The following ZAN variants were observed in gnomAD, a reference collection of about 807,000 sequenced individuals.
ZAN encodes the protein zonadhesin.
ZAN carries 260 observed loss-of-function variants against 286.2 expected under a neutral mutation model. The ratio of observed to expected loss-of-function variants is 0.91; its 90% confidence interval spans 0.82 to 1.01. ZAN has a LOEUF of 1.01. ZAN is among the 50% of genes least tolerant of loss of function. The pLI is 0.00. For missense variants in ZAN, 3,410 were observed against 3,639.2 expected (o/e 0.94, Z 1.62); for synonymous variants, 1,368 against 1,417.5 (o/e 0.97, Z 0.79).
rs1239237490 is a variant in ZAN at position 100,735,215 on chromosome 7, C to G, written c.54-505C>G. Among the ~76,000 whole-genome samples, 6 of 136,248 alleles carry G rather than the reference C, an allele frequency of 4.4e-5. 1 individual carries two copies. The East Asian group carries it at 1.2e-3, about 28-fold the overall frequency. 89.4% of individuals were successfully genotyped at this position (136,248 alleles called of 152,430 possible). The stretch of plus-strand genomic sequence containing the variant: ...AAAAAAAAAAAGAAATGATGGATGT[C>G]TTGGTGTCCTGCAGTGTGTTTGGGA... On this transcript the variant is annotated intron_variant, in intron 2 of 47. Transcript: ENST00000613979.
intron 34 of ZAN, among the ~76,000 whole-genome samples, chr7:100,778,093 G>A (rs1270204373): frequency 6.6e-6 from 1 of 151,782 alleles, no homozygotes; most frequent in Admixed American, 6.6e-5. Context: ...TTGAGGCCAG[G>A]AGTTTGAGAC....
chr7:100,793,808 C>G lies in ZAN; in HGVS notation c.7788-12C>G, dbSNP rs1394985867. ...AGCCCCAGCCAGTTTCTGACCATGA[C>G]TGTCCCCGCAGCCATGGAGTGTCCA... On this transcript the variant is annotated splice_polypyrimidine_tract_variant and intron_variant, in intron 42 of 47. Coordinates refer to ENST00000613979, the MANE Select transcript of ZAN (RefSeq NM_003386.3). 1.3e-6 allele frequency: 2 copies of G among 1,569,972 alleles called. No individual in the cohort carries two copies. Among genetic ancestry groups the G allele is most frequent in the African/African-American group, 2.7e-5 (2 of 74,246 alleles).
intron 14 of ZAN, among the ~76,000 whole-genome samples, chr7:100,753,832 T>TAAAAAAAA (rs59347418): frequency 1.4e-5 from 1 of 73,174 alleles, no homozygotes; most frequent in Non-Finnish European, 2.5e-5. Flanking sequence ...GACATCGTCC[T>TAAAAAAAA]AAAAAAAAAA....
Position 100,765,497 on chromosome 7 carries a change from C to T in ZAN, c.4413C>T (p.Leu1471=), listed in dbSNP as rs761723265. 18 of 1,612,446 alleles carry T rather than the reference C, an allele frequency of 1.1e-5. No homozygotes were observed. The highest frequency in any genetic ancestry group is 2.2e-5 in the East Asian group (1 of 44,848). ...ATCCGGGCTTCGTCCTCAGTGGCCT[C>T]GAGTGCATACCTCGCTCCCAGTGTG... ...ECNPGFVLSG[L]ECIPRSQCGC... Residue 1471 remains leucine (L), a synonymous_variant, in exon 23 of 48, where the codon CTC becomes CTT. Coordinates refer to ENST00000613979, the MANE Select transcript of ZAN (RefSeq NM_003386.3).
chr7:100,772,618 G>A (rs1168428898), intron 29 of ZAN, among the ~76,000 whole-genome samples: 2 of 151,670 alleles, frequency 1.3e-5, no homozygotes, highest in Non-Finnish European at 2.9e-5. Context: ...TCAGGAGATC[G>A]AGACCATCCT....
intron 6 of ZAN, 111 bp from the exon 7 acceptor site, chr7:100,738,350 C>G: frequency 9.3e-7 from 1 of 1,074,954 alleles, no homozygotes; most frequent in Non-Finnish European, 1.3e-6. Flanking sequence ...TCCAGGAGTT[C>G]GAGGCCGCAG....
chr7:100,789,625 C>T (rs1368136041), intron 39 of ZAN, among the ~76,000 whole-genome samples: 1 of 152,016 alleles, frequency 6.6e-6, no homozygotes, highest in African/African-American at 2.4e-5. Context: ...GCCTGGGGAA[C>T]ATAGTGAGAC....
At position 100,737,363 on chromosome 7, in the gene ZAN, C is replaced by T; in HGVS notation, c.613+14C>T. The T allele has an allele frequency of 7.1e-7, 1 of 1,405,978 alleles. No individual in the cohort carries two copies. Among genetic ancestry groups the T allele is most frequent in the Non-Finnish European group, 9.7e-7 (1 of 1,032,576 alleles). The allele number at this position is 1,405,978 out of a possible 1,614,324, so 87.1% of individuals were successfully genotyped here. ...CCTGTAATCGCGGTGAGTCCCTGTC[C>T]CTCCTCCCGCCTGCCCTCGGACCCT... On this transcript the variant is annotated intron_variant, in intron 6 of 47. Coordinates refer to ENST00000613979, the MANE Select transcript of ZAN (RefSeq NM_003386.3).
chr7:100,783,225 GC>G (rs1286590175), intron 35 of ZAN, among the ~76,000 whole-genome samples: 1 of 152,060 alleles, frequency 6.6e-6, no homozygotes, highest in East Asian at 1.9e-4. Context: ...CTGAGATTGT[GC>G]CATTGCACTC....
chr7:100,760,977 A>G (rs1809535415), intron 19 of ZAN, among the ~76,000 whole-genome samples: 1 of 151,890 alleles, frequency 6.6e-6, no homozygotes, highest in Non-Finnish European at 1.5e-5. Flanking sequence ...GCTCACTGCA[A>G]CCTCTGCCTC....
In ZAN at chr7:100,779,607, C is replaced by G. The variant is rs1353472935; in HGVS notation, c.6479C>G (p.Thr2160Arg). The change falls in exon 35 of 48, where the codon ACG (threonine) becomes AGG (arginine). Residue 2160 changes from threonine (T) to arginine (R), a missense_variant. By Grantham distance (71) the Thr-to-Arg change is moderately conservative. Coordinates refer to ENST00000613979, the MANE Select transcript of ZAN (RefSeq NM_003386.3). Reference protein sequence around the residue: ...WAQCASRIDLTPFLVDCANTL... With the variant: ...WAQCASRIDLRPFLVDCANTL... ...CAGTGCGCCTCCCGCATAGACCTCA[C>G]GCCCTTCCTGGTGGACTGTGCAAAC... 4.4e-6 allele frequency: 7 copies of G among 1,606,068 alleles called. No individual in the cohort carries two copies. The South Asian group carries it at 7.8e-5, about 18-fold the overall frequency.
At chr7:100,776,922 C>T (rs1810857110) in intron 34 of ZAN, among the ~76,000 whole-genome samples, 2 of 145,514 alleles carry the variant, frequency 1.4e-5, no homozygotes, top group East Asian at 2.0e-4. Flanking sequence ...TTAGTAGAGA[C>T]GGGGTTTCAC....
chr7:100,785,251 G>A lies in ZAN; in HGVS notation c.6834+417G>A, dbSNP rs537120303. Among the ~76,000 whole-genome samples the A allele has an allele frequency of 1.2e-4, 16 of 138,784 alleles. No homozygotes were observed. The South Asian group carries it at 3.0e-3, about 26-fold the overall frequency. 91.0% of individuals were successfully genotyped at this position (138,784 alleles called of 152,430 possible). A position where few individuals can be genotyped will look rare whatever the true frequency, so the allele number is the denominator to read the frequency against. Reference sequence around the variant, plus strand: ...TTTTTTTTTTTTTTTTTTTTGAGACGGAGTCTCCCTCTATTATCCAGCAGG... The same window carrying A: ...TTTTTTTTTTTTTTTTTTTTGAGACAGAGTCTCCCTCTATTATCCAGCAGG... On this transcript the variant is annotated intron_variant, in intron 36 of 47. Transcript: ENST00000613979.
At position 100,773,857 on chromosome 7, in the gene ZAN, G is replaced by C. The variant is rs71555302; in HGVS notation, c.5771G>C (p.Arg1924Pro). The change falls in exon 31 of 48, where the codon CGG becomes CCG. Residue 1924 changes from arginine (R) to proline (P), a missense_variant. Physicochemically the swap from Arg to Pro is moderately radical, Grantham distance 103 (BLOSUM62 -2). Around this residue, in one of 7 missense-constraint regions of ZAN, gnomAD observed 1,289 missense variants for 1,314.3 expected, o/e 0.98. Coordinates refer to ENST00000613979, the MANE Select transcript of ZAN (RefSeq NM_003386.3). ...CWALDGLLHC[R>P]ASGVGVCQLP... ...GCCCTGGATGGGCTGCTCCATTGTC[G>C]GGCCTCAGGTAGGAGGACCACGGTG... 35,739 of 1,604,862 alleles carry C rather than the reference G, an allele frequency of 0.022. 475 individuals are homozygous for C. Among genetic ancestry groups the C allele is most frequent in the Middle Eastern group, 0.033 (199 of 6,046 alleles).
Position 100,746,688 on chromosome 7 carries a change from A to G in ZAN, c.917A>G (p.Tyr306Cys). 1 of 1,613,858 alleles carries G rather than the reference A, an allele frequency of 6.2e-7. No individual in the cohort carries two copies. Among genetic ancestry groups the G allele is most frequent in the East Asian group, 2.2e-5 (1 of 44,876 alleles). The change falls in exon 8 of 48, where the codon TAT (tyrosine) becomes TGT (cysteine). Residue 306 changes from tyrosine to cysteine, a missense_variant. By Grantham distance (194) the Tyr-to-Cys change is radical. Around this residue, in one of 7 missense-constraint regions of ZAN, gnomAD observed 872 missense variants for 938.9 expected, o/e 0.93. Transcript: ENST00000613979. ...TCTCCTGGTGCAGCCCTCCACATTT[A>G]TGCTTCAGTCTTGGGTTAGAGCGGA... ...GQSPGAALHI[Y>C]ASVLGSIRKH... is the part of the protein sequence containing the mutation.
chr7:100,782,114 T>C (rs1237939780), intron 35 of ZAN, among the ~76,000 whole-genome samples: 1 of 152,188 alleles, frequency 6.6e-6, no homozygotes, highest in Non-Finnish European at 1.5e-5. Context: ...AAGTCCTTTA[T>C]CTGTTATGGA....
Position 100,791,115 on chromosome 7 carries a change from T to C in ZAN, c.7529+2T>C. On this transcript the variant is annotated splice_donor_variant, in intron 40 of 47. Transcript: ENST00000613979. LOFTEE classifies it high-confidence loss of function. ...GGACGCACTCCTGCGCTTCCCCAGG[T>C]GCACGGCCTGGAAGGGATGAGGCGG... is the stretch of plus-strand genomic sequence containing the variant. 1 of 1,609,690 alleles carries C rather than the reference T, an allele frequency of 6.2e-7. No individual in the cohort carries two copies. The highest frequency in any genetic ancestry group is 1.1e-5 in the South Asian group (1 of 90,298).
chr7:100,753,620 T>G (rs189863228), intron 14 of ZAN, among the ~76,000 whole-genome samples: 34 of 151,478 alleles, frequency 2.2e-4, no homozygotes, highest in African/African-American at 7.0e-4. Flanking sequence ...CTCAGGAGTT[T>G]GAGACCAGCC....
chr7:100,753,375 T>G, intron 14 of ZAN, 146 bp downstream of exon 14: 1 of 992,324 alleles, frequency 1.0e-6, no homozygotes. Flanking sequence ...AAGTAGTCCA[T>G]GGCGACTTCA....
Sources: allele counts gnomAD v4.1 joint callset (sites outside exome capture counted in the v4.1 genomes callset), GRCh38; gene constraint gnomAD v4.1.1; regional missense constraint gnomAD v4.1.1; transcripts MANE v1.5; gene names NCBI Gene and HGNC (gene_info 2026-07-23, HGNC 2026-07-21).